The following CYB5D2 variants were observed in gnomAD, a reference collection of about 807,000 sequenced individuals.
The protein encoded by CYB5D2 is cytochrome b5 domain containing 2, also known as neuferricin.
A neutral mutation model predicts 22.8 loss-of-function variants in CYB5D2; 23 were observed. The ratio of observed to expected loss-of-function variants is 1.01; its 90% CI spans 0.73 to 1.43. The LOEUF (loss-of-function observed/expected upper bound fraction) is 1.43. CYB5D2 is among the 40% of genes most tolerant of loss of function. CYB5D2 has a pLI of 0.00. For synonymous variants in CYB5D2, 170 were observed against 152.2 expected, an observed-to-expected ratio of 1.12 and a Z score of -0.86; for missense variants, 373 against 357.2, an observed-to-expected ratio of 1.04 and a Z score of -0.36.
intron 2 of CYB5D2, among the ~76,000 whole-genome samples, chr17:4,150,637 C>T (rs1163558655): frequency 9.2e-5 from 14 of 152,190 alleles, no homozygotes; most frequent in Admixed American, 9.2e-4. Context: ...GTAATACCAG[C>T]ACTTTGGGAG....
intron 1 of CYB5D2, among the ~76,000 whole-genome samples, chr17:4,145,397 G>A (rs2058978137): frequency 6.6e-6 from 1 of 152,224 alleles, no homozygotes; most frequent in Non-Finnish European, 1.5e-5. Context: ...GGGGTACACA[G>A]TGAGTTAGAA....
chr17:4,154,129 T>G (rs901943495), intron 2 of CYB5D2, among the ~76,000 whole-genome samples: 2 of 152,178 alleles, frequency 1.3e-5, no homozygotes, highest in African/African-American at 4.8e-5. Flanking sequence ...CTGCCATAGC[T>G]TAGACTTTTA....
chr17:4,155,926 A>G (rs1375724266), intron 3 of CYB5D2, among the ~76,000 whole-genome samples: 1 of 152,190 alleles, frequency 6.6e-6, no homozygotes, highest in Non-Finnish European at 1.5e-5. Flanking sequence ...GCCTCAGCTC[A>G]GTTTGTTGTC....
chr17:4,146,415 G>A (rs1000627352), intron 1 of CYB5D2, among the ~76,000 whole-genome samples: 1 of 147,684 alleles, frequency 6.8e-6, no homozygotes, highest in Non-Finnish European at 1.5e-5. Context: ...TTTTGAGATG[G>A]AGTCTCACTC....
intron 1 of CYB5D2, among the ~76,000 whole-genome samples, chr17:4,149,060 G>A (rs548767569): frequency 6.6e-5 from 10 of 152,036 alleles, no homozygotes; most frequent in Admixed American, 6.5e-5. Context: ...TCCTTATTCA[G>A]CTTCTTGAGG....
chr17:4,143,168 A>G (rs2058904345), upstream of CYB5D2: 4 of 421,422 alleles, frequency 9.5e-6, no homozygotes, highest in Non-Finnish European at 1.6e-5. Context: ...CTGTCTCAGT[A>G]TCTACGTCAT....
In CYB5D2 at chr17:4,144,848, C is replaced by T. The variant is rs1037757045; in HGVS notation, c.250+843C>T. On this transcript the variant is annotated intron_variant, in intron 1 of 3. Coordinates refer to ENST00000301391, the MANE Select transcript of CYB5D2 (RefSeq NM_144611.4). ...GTCGCCCAGGCTGGAGTGCAGTGGC[C>T]TGATCTCGGCTCACTGCAAGCTCTG... Among the ~76,000 whole-genome samples, 3 of 151,896 alleles carry T rather than the reference C, an allele frequency of 2.0e-5. No homozygotes were observed. The East Asian group carries it at 5.8e-4, about 29-fold the overall frequency.
At chr17:4,148,777 T>C (rs1404000555) in intron 1 of CYB5D2, among the ~76,000 whole-genome samples, 1 of 152,146 alleles carries the variant, frequency 6.6e-6, no homozygotes, top group Non-Finnish European at 1.5e-5. Flanking sequence ...TGAGACAAGA[T>C]TGTGCCTTTG....
intron 1 of CYB5D2, among the ~76,000 whole-genome samples, chr17:4,145,699 G>C (rs955326969): frequency 6.6e-6 from 1 of 152,190 alleles, no homozygotes; most frequent in Non-Finnish European, 1.5e-5. Flanking sequence ...CAGTCTAGTT[G>C]GGAAGCAGTT....
At chr17:4,144,309 G>A (rs2058951945) in intron 1 of CYB5D2, among the ~76,000 whole-genome samples, 1 of 144,606 alleles carries the variant, frequency 6.9e-6, no homozygotes, top group African/African-American at 2.6e-5. Context: ...GCTGTGTGCC[G>A]GACTTTTGTG....
At chr17:4,149,811 A>T (rs896844868) in intron 1 of CYB5D2, 80 bp from the exon 2 acceptor site, 1 of 1,542,934 alleles carries the variant, frequency 6.5e-7, no homozygotes, top group Non-Finnish European at 8.7e-7. Context: ...AAAAAAAAGA[A>T]AAAGAAAGAA....
rs2142995581 is a variant in CYB5D2 at position 4,156,871 on chromosome 17, G to T, written c.584G>T (p.Gly195Val). ...SRLWCSQKSGGVSRDWIGVPR... is the reference protein window; with the variant it reads ...SRLWCSQKSGVVSRDWIGVPR... Reference sequence around the variant, plus strand: ...CTCTTTCCGTCTATCCTTAGTGGAGGTGTGAGCAGAGACTGGATTGGCGTC... The same window carrying T: ...CTCTTTCCGTCTATCCTTAGTGGAGTTGTGAGCAGAGACTGGATTGGCGTC... Residue 195 changes from glycine (G) to valine (V), a missense_variant, in exon 4 of 4, where the codon GGT becomes GTT. Transcript: ENST00000301391. 1 of 1,612,688 alleles carries T rather than the reference G, an allele frequency of 6.2e-7. No individual in the cohort carries two copies. The highest frequency in any genetic ancestry group is 1.3e-5 in the African/African-American group (1 of 74,998).
chr17:4,144,096 CCCCCCCCATCCCCA>C, intron 1 of CYB5D2, 91 bp downstream of exon 1: 1 of 1,255,468 alleles, frequency 8.0e-7, no homozygotes, highest in Non-Finnish European at 1.1e-6. Context: ...TCATCTATTT[CCCCCCCCATCCCCA>C]CCCCACATCC....
rs201456850 is a variant in CYB5D2, at chr17:4,154,786, G to C, written c.504G>C (p.Glu168Asp). Residue 168 changes from glutamate to aspartate, a missense_variant, in exon 3 of 4, where the codon GAG becomes GAC. Physicochemically the swap from Glu to Asp is conservative, Grantham distance 45 (BLOSUM62 2). Transcript: ENST00000301391. ...AGGCCAACAAACTACAGCTGCAAGA[G>C]AAGCAGACATTCCCGCCGTGCAACG... ...GLEANKLQLQ[E>D]KQTFPPCNAE... is the part of the protein sequence containing the mutation. 1.9e-6 allele frequency: 3 copies of C among 1,614,222 alleles called. No homozygotes were observed. The highest frequency in any genetic ancestry group is 1.1e-5 in the South Asian group (1 of 91,090).
chr17:4,150,388 C>T (rs1209638131), intron 2 of CYB5D2, among the ~76,000 whole-genome samples: 1 of 152,172 alleles, frequency 6.6e-6, no homozygotes. Context: ...GGGCTTGAAG[C>T]CTGAATTTGT....
chr17:4,157,458 AG>A lies in CYB5D2; in HGVS notation c.*377del, dbSNP rs1400472114. The A allele has an allele frequency of 8.0e-6, 2 of 249,058 alleles. No individual in the cohort carries two copies. The highest frequency in any genetic ancestry group is 1.6e-5 in the Non-Finnish European group (2 of 128,950). The allele number at this position is 249,058 out of a possible 1,614,324, so 15.4% of individuals were successfully genotyped here. A position where few individuals can be genotyped will look rare whatever the true frequency, so the allele number is the denominator to read the frequency against. On this transcript the variant is annotated 3_prime_UTR_variant, in exon 4 of 4. Transcript: ENST00000301391. This position sits in a 1 kb window ranked among gnomAD's most constrained non-coding sequence, Gnocchi z 4.4. ...ATACAGTACGAGGCAATAACAAATTAGTGTGGGTTGATTCTGGAATTGGAAA... is the reference window on the plus strand; with the variant it reads ...ATACAGTACGAGGCAATAACAAATTATGTGGGTTGATTCTGGAATTGGAAA...
At chr17:4,145,589 G>A (rs1253071276) in intron 1 of CYB5D2, among the ~76,000 whole-genome samples, 2 of 152,160 alleles carry the variant, frequency 1.3e-5, no homozygotes, top group East Asian at 1.9e-4. Flanking sequence ...CTGAGCTCCC[G>A]TGTTCTGGTA....
At chr17:4,145,361 G>A (rs1343716115) in intron 1 of CYB5D2, among the ~76,000 whole-genome samples, 3 of 152,220 alleles carry the variant, frequency 2.0e-5, no homozygotes, top group Admixed American at 6.5e-5. Context: ...CCCTGAGATA[G>A]TCCAGCAGGG....
chr17:4,157,139 C>A lies in CYB5D2; in HGVS notation c.*57C>A, dbSNP rs2059121631. Reference sequence around the variant, plus strand: ...GAGCTCTGCCAAGCACCTGAGTAGGCCCTTGACACTTGTGTGCCCTGGGAT... The same window carrying A: ...GAGCTCTGCCAAGCACCTGAGTAGGACCTTGACACTTGTGTGCCCTGGGAT... On this transcript the variant is annotated 3_prime_UTR_variant, in exon 4 of 4. Coordinates refer to ENST00000301391, the MANE Select transcript of CYB5D2 (RefSeq NM_144611.4). This position sits in a 1 kb window ranked among gnomAD's most constrained non-coding sequence, Gnocchi z 4.4. 10 of 1,571,988 alleles carry A rather than the reference C, an allele frequency of 6.4e-6. No homozygotes were observed. The Middle Eastern group carries it at 1.6e-3, about 250-fold the overall frequency.
Sources: gnomAD v4.1 joint callset for allele counts (sites outside exome capture counted in the v4.1 genomes callset) on GRCh38, gnomAD v4.1.1 for gene constraint, Gnocchi (gnomAD v3.1) non-coding constraint, MANE v1.5 for transcripts, NCBI Gene and HGNC (gene_info 2026-07-23, HGNC 2026-07-21) for gene names.